The following PCNP variants were observed in gnomAD, a reference collection of about 807,000 sequenced individuals.
PCNP encodes the protein PEST proteolytic signal-containing nuclear protein.
A neutral mutation model predicts 21.8 loss-of-function variants in PCNP; 6 were observed. That is an observed-to-expected ratio of 0.28 (90% CI 0.15 to 0.54). The LOEUF (loss-of-function observed/expected upper bound fraction) is 0.54, where lower values mean the gene tolerates loss of function less well. PCNP is among the 20% of genes least tolerant of loss of function. The pLI is 0.95. For missense variants in PCNP, 161 were observed against 215.5 expected (o/e 0.75, Z 1.58); for synonymous variants, 67 against 73.2 (o/e 0.92, Z 0.43).
At chr3:101,590,133 G>T in intron 3 of PCNP, 82 bp from the exon 4 acceptor site, 1 of 751,136 alleles carries the variant, frequency 1.3e-6, no homozygotes, top group South Asian at 1.6e-5. Context: ...AAAAGACTTA[G>T]ATATAAAATT....
intron 3 of PCNP, among the ~76,000 whole-genome samples, chr3:101,586,170 CAAAAAAAAAAAAAAAA>C (rs10529220): frequency 2.0e-5 from 2 of 97,572 alleles, no homozygotes; most frequent in African/African-American, 8.4e-5. Context: ...GTCTCTGTCT[CAAAAAAAAAAAAAAAA>C]AAAAAAAAAA....
Position 101,585,496 on chromosome 3 carries a change from T to C in PCNP, c.339T>C (p.Phe113=). The C allele has an allele frequency of 1.9e-6, 3 of 1,606,190 alleles. No homozygotes were observed. Among genetic ancestry groups the C allele is most frequent in the Non-Finnish European group, 2.6e-6 (3 of 1,175,042 alleles). Residue 113 remains phenylalanine (F), a synonymous_variant, in exon 3 of 5, where the codon TTT becomes TTC. Coordinates refer to ENST00000265260, the MANE Select transcript of PCNP (RefSeq NM_020357.3). ...AAACTCTTTCAGTAGCAGCAGCTTT[T>C]AATGAAGATGAAGATGTAAGTTGAT... ...APKTLSVAAA[F]NEDEDSEPEE...
At chr3:101,592,120 GTGTC>G (rs773101775) in intron 4 of PCNP, among the ~76,000 whole-genome samples, 1 of 151,856 alleles carries the variant, frequency 6.6e-6, no homozygotes, top group African/African-American at 2.4e-5. Context: ...TTCTAGAACT[GTGTC>G]TGTAAAGTGT....
chr3:101,585,820 A>C (rs1217540188), intron 3 of PCNP, among the ~76,000 whole-genome samples: 1 of 152,170 alleles, frequency 6.6e-6, no homozygotes, highest in African/African-American at 2.4e-5. Context: ...TTGCCTTAAT[A>C]ATTTTTATAG....
At chr3:101,576,675 C>G in intron 1 of PCNP, 1 of 1,612,114 alleles carries the variant, frequency 6.2e-7, no homozygotes, top group Non-Finnish European at 8.5e-7. Context: ...ATTTTCCATC[C>G]TTTACATCCT....
At chr3:101,579,702 C>G (rs1935126075) in intron 1 of PCNP, 88 bp from the exon 2 acceptor site, 1 of 895,792 alleles carries the variant, frequency 1.1e-6, no homozygotes, top group Non-Finnish European at 1.9e-6. Flanking sequence ...AGGTATCTTC[C>G]TTATAACGAT....
At chr3:101,590,129 CTT>C in intron 3 of PCNP, 84 bp from the exon 4 acceptor site, 1 of 740,806 alleles carries the variant, frequency 1.3e-6, no homozygotes. Context: ...TGCTAAAAGA[CTT>C]AGATATAAAA....
chr3:101,586,622 T>TTTCTTGTTTCA (rs1935541759), intron 3 of PCNP, among the ~76,000 whole-genome samples: 1 of 134,472 alleles, frequency 7.4e-6, no homozygotes, highest in South Asian at 2.4e-4. Context: ...AGAGAGAGAG[T>TTTCTTGTTTCA]GTGTCTTGCT....
chr3:101,581,205 T>C (rs1935203121), intron 2 of PCNP, among the ~76,000 whole-genome samples: 1 of 152,200 alleles, frequency 6.6e-6, no homozygotes, highest in Non-Finnish European at 1.5e-5. Context: ...CATTACTCTA[T>C]TTCTGTATTT....
rs1935252358 is a variant in PCNP at position 101,582,049 on chromosome 3, T to G, written c.279+2045T>G. Among the ~76,000 whole-genome samples, 12 of 151,582 alleles carry G rather than the reference T, an allele frequency of 7.9e-5. No homozygotes were observed. The South Asian group carries it at 2.5e-3, about 32-fold the overall frequency. On this transcript the variant is annotated intron_variant, in intron 2 of 4. Coordinates refer to ENST00000265260, the MANE Select transcript of PCNP (RefSeq NM_020357.3). ...GCCACCACGCCCGGCCTACTCTTTC[T>G]AAATAATTGACATGATTCGTAATTT... is the stretch of plus-strand genomic sequence containing the variant.
chr3:101,591,532 T>C (rs1345782329), intron 4 of PCNP, among the ~76,000 whole-genome samples: 2 of 152,244 alleles, frequency 1.3e-5, no homozygotes, highest in East Asian at 1.9e-4. Context: ...GAAGTACATA[T>C]GACGTTGTTG....
chr3:101,586,591 T>TTTCTTGTTTCAGAGAGAGAGAGAGAGAGG (rs1935536958), intron 3 of PCNP, among the ~76,000 whole-genome samples: 1 of 120,722 alleles, frequency 8.3e-6, no homozygotes, highest in Non-Finnish European at 1.8e-5. Flanking sequence ...AGAGAGAGAG[T>TTTCTTGTTTCAGAGAGAGAGAGAGAGAGG]TTCTTGTTTC....
chr3:101,586,572 G>GTTTC (rs56879852), intron 3 of PCNP, among the ~76,000 whole-genome samples: 1 of 72,996 alleles, frequency 1.4e-5, no homozygotes, highest in Non-Finnish European at 3.0e-5. Context: ...GTGTGTGTGT[G>GTTTC]AGAGAGAGAG....
chr3:101,576,761 C>T (rs1934926298), intron 1 of PCNP: 3 of 1,611,802 alleles, frequency 1.9e-6, no homozygotes, highest in African/African-American at 2.7e-5. Context: ...CGTTCCACCT[C>T]ATCATCAGTG....
intron 2 of PCNP, among the ~76,000 whole-genome samples, chr3:101,583,473 G>A (rs755483072): frequency 1.3e-5 from 2 of 151,936 alleles, no homozygotes; most frequent in Admixed American, 6.6e-5. Flanking sequence ...CAAATGAGCC[G>A]GGCATGGCAG....
At chr3:101,579,711 A>T in intron 1 of PCNP, 79 bp from the exon 2 acceptor site, 1 of 944,028 alleles carries the variant, frequency 1.1e-6, no homozygotes, top group Non-Finnish European at 1.8e-6. Flanking sequence ...CCTTATAACG[A>T]TGCTTTTTGA....
Position 101,592,916 on chromosome 3 carries a change from G to A in PCNP, c.*163G>A. 1 of 465,948 alleles carries A rather than the reference G, an allele frequency of 2.1e-6. No individual in the cohort carries two copies. The highest frequency in any genetic ancestry group is 3.6e-6 in the Non-Finnish European group (1 of 274,412). 28.9% of individuals were successfully genotyped at this position (465,948 alleles called of 1,614,324 possible). On this transcript the variant is annotated 3_prime_UTR_variant, in exon 5 of 5. Transcript: ENST00000265260. The stretch of plus-strand genomic sequence containing the variant: ...TAATAAATGAGAGTTTGAAATTAGA[G>A]GTAATTTATGTTTTATATACAGATT...
chr3:101,576,992 A>G (rs1011216622), intron 1 of PCNP: 4 of 892,716 alleles, frequency 4.5e-6, no homozygotes, highest in African/African-American at 3.3e-5. Flanking sequence ...GTGGAGGAGC[A>G]ATTTTTGTAT....
At chr3:101,577,517 T>C (rs951961799) in intron 1 of PCNP, among the ~76,000 whole-genome samples, 1 of 152,178 alleles carries the variant, frequency 6.6e-6, no homozygotes, top group Admixed American at 6.5e-5. Context: ...AACTTTCTTA[T>C]TAGGTAGTTT....
Sources: gnomAD v4.1 joint callset for allele counts (sites outside exome capture counted in the v4.1 genomes callset) on GRCh38, gnomAD v4.1.1 for gene constraint, MANE v1.5 for transcripts, NCBI Gene and HGNC (gene_info 2026-07-23, HGNC 2026-07-21) for gene names.